The following FHL1 variants were observed in gnomAD, a reference collection of about 807,000 sequenced individuals.
The protein encoded by FHL1 is four and a half LIM domains protein 1.
A neutral mutation model predicts 20.3 loss-of-function variants in FHL1; 1 was observed. The observed-to-expected ratio is 0.05, with a 90% CI of 0.02 to 0.23. FHL1 has a LOEUF of 0.23. FHL1 is among the 10% of genes least tolerant of loss of function. The pLI is 1.00. For synonymous variants in FHL1, 82 were observed against 88.9 expected, an observed-to-expected ratio of 0.92 and a Z score of 0.44; for missense variants, 177 against 234.0, an observed-to-expected ratio of 0.76 and a Z score of 1.59.
At chrX:136,182,807 A>G (rs1014403371) in intron 2 of FHL1, 1 of 112,249 alleles carries the variant, frequency 8.9e-6, no homozygotes, top group African/African-American at 3.2e-5. Flanking sequence ...AATGTATAAG[A>G]ACAAAGAGGC....
intron 2 of FHL1, among the ~76,000 whole-genome samples, chrX:136,185,193 A>G (rs960032440): frequency 8.9e-6 from 1 of 112,649 alleles, no homozygotes; most frequent in South Asian, 3.6e-4. Context: ...TAAAATCAGT[A>G]TCCTGTTTCA....
chrX:136,173,307 T>A (rs977333591), intron 2 of FHL1, among the ~76,000 whole-genome samples: 1 of 112,758 alleles, frequency 8.9e-6, no homozygotes, highest in Non-Finnish European at 1.9e-5. Flanking sequence ...TTTTCATTAT[T>A]GATTTGGCAG....
At chrX:136,207,688 G>A in intron 3 of FHL1, 104 bp from the exon 4 acceptor site, 1 of 879,647 alleles carries the variant, frequency 1.1e-6, no homozygotes, top group Non-Finnish European at 1.7e-6. Context: ...GTAACTGCAG[G>A]GCCTGCATCC....
upstream of FHL1, chrX:136,146,886 C>T (rs1363663667): frequency 3.0e-6 from 1 of 329,560 alleles, no homozygotes; most frequent in Admixed American, 3.1e-5. Context: ...TAGCTCCCTC[C>T]GGCTTGCTAC....
chrX:136,157,484 A>T (rs1469437318), intron 1 of FHL1, among the ~76,000 whole-genome samples: 1 of 112,032 alleles, frequency 8.9e-6, no homozygotes, highest in South Asian at 3.7e-4. Flanking sequence ...TGATTTAGGT[A>T]CAAAAACCGG....
chrX:136,159,092 G>A (rs1212212287), intron 1 of FHL1, among the ~76,000 whole-genome samples: 2 of 100,440 alleles, frequency 2.0e-5, no homozygotes, highest in Non-Finnish European at 4.0e-5. Flanking sequence ...GAGGTATACA[G>A]AAACTCAGTA....
intron 1 of FHL1, chrX:136,148,304 T>G (rs1603237631): frequency 3.2e-5 from 1 of 31,336 alleles, no homozygotes; most frequent in African/African-American, 1.3e-4. Flanking sequence ...GGGATGCTTG[T>G]GGGGTGGTTG....
At chrX:136,172,742 A>T (rs981958459) in intron 2 of FHL1, among the ~76,000 whole-genome samples, 1 of 111,586 alleles carries the variant, frequency 9.0e-6, no homozygotes, top group Admixed American at 9.5e-5. Flanking sequence ...TTTATTTTTT[A>T]TTTTTTTTGA....
In FHL1 at chrX:136,173,759, C is replaced by T. The variant is rs144283879; in HGVS notation, c.-27+3779C>T. Reference sequence around the variant, plus strand: ...TGTCACCCAGGCTGGAGTGCAGTGGCGTGATCTCCGCTCATTATAAGCTCT... The same window carrying T: ...TGTCACCCAGGCTGGAGTGCAGTGGTGTGATCTCCGCTCATTATAAGCTCT... On this transcript the variant is annotated intron_variant, in intron 2 of 6. Coordinates refer to the FHL1 transcript ENST00000394153. 2.6e-3 allele frequency among the ~76,000 whole-genome samples: 273 copies of T among 103,811 alleles called. 2 individuals are homozygous for T. The highest frequency in any genetic ancestry group is 9.0e-3 in the African/African-American group (254 of 28,117). 90.1% of individuals were successfully genotyped at this position (103,811 alleles called of 115,157 possible).
intron 2 of FHL1, among the ~76,000 whole-genome samples, chrX:136,191,913 G>T (rs749327661): frequency 2.9e-4 from 33 of 111,901 alleles, no homozygotes; most frequent in Non-Finnish European, 5.8e-4. Context: ...CATAAAAGGT[G>T]GGCTTGGTGA....
Position 136,190,523 on chromosome X carries a change from G to A in FHL1, c.-26-15884G>A, listed in dbSNP as rs779376985. On this transcript the variant is annotated intron_variant, in intron 2 of 6. Transcript: ENST00000394153. ...CAGGCGGCCTCTCGAACCAGAGTAG[G>A]CTAAGAGACTCCAGCATTAACCATT... Among the ~76,000 whole-genome samples, 3 of 111,748 alleles carry A rather than the reference G, an allele frequency of 2.7e-5. No individual in the cohort carries two copies. The East Asian group carries it at 8.4e-4, about 31-fold the overall frequency.
At chrX:136,171,756 T>G in intron 2 of FHL1, among the ~76,000 whole-genome samples, 1 of 112,641 alleles carries the variant, frequency 8.9e-6, no homozygotes, top group Non-Finnish European at 1.9e-5. Context: ...CACACCCCAG[T>G]GACATCTTTA....
chrX:136,200,476 C>T (rs1243934039), intron 1 of FHL1, among the ~76,000 whole-genome samples: 3 of 111,775 alleles, frequency 2.7e-5, no homozygotes, highest in African/African-American at 6.5e-5. Flanking sequence ...TCAGTGTGGT[C>T]CTGAAATAGG....
chrX:136,191,234 G>A (rs1379055641), intron 2 of FHL1, among the ~76,000 whole-genome samples: 1 of 111,277 alleles, frequency 9.0e-6, no homozygotes, highest in Non-Finnish European at 1.9e-5. Flanking sequence ...GTGGGCCACC[G>A]CGCTCCTCTG....
intron 1 of FHL1, among the ~76,000 whole-genome samples, chrX:136,163,061 C>T (rs1422836119): frequency 1.8e-5 from 2 of 112,249 alleles, no homozygotes; most frequent in Admixed American, 1.9e-4. Flanking sequence ...GCCAAAGGCT[C>T]TGTTGAAGCT....
intron 2 of FHL1, among the ~76,000 whole-genome samples, chrX:136,186,865 AATATATATATATATATAGAT>A (rs1489340612): frequency 4.9e-4 from 5 of 10,155 alleles, no homozygotes; most frequent in African/African-American, 6.2e-4. Flanking sequence ...AAAAAAAAAA[AATATATATATATATATAGAT>A]AGATAGATAG....
chrX:136,208,352 G>A, intron 4 of FHL1, 103 bp from the exon 5 acceptor site: 1 of 856,921 alleles, frequency 1.2e-6, no homozygotes, highest in Non-Finnish European at 1.7e-6. Flanking sequence ...GAGATTAAAT[G>A]AGATATTGTA....
At chrX:136,199,392 G>T (rs1294384358) in intron 1 of FHL1, among the ~76,000 whole-genome samples, 2 of 111,320 alleles carry the variant, frequency 1.8e-5, no homozygotes, top group African/African-American at 6.6e-5. Context: ...GAATCATTCT[G>T]TACACGTTCT....
At chrX:136,181,039 G>T (rs755516709) in intron 2 of FHL1, among the ~76,000 whole-genome samples, 1 of 112,390 alleles carries the variant, frequency 8.9e-6, no homozygotes, top group African/African-American at 3.2e-5. Context: ...CACCGCGCCC[G>T]GCCCTGATTG....
Sources: gnomAD v4.1 joint callset for allele counts (sites outside exome capture counted in the v4.1 genomes callset) on GRCh38, gnomAD v4.1.1 for gene constraint, MANE v1.5 for transcripts, NCBI Gene and HGNC (gene_info 2026-07-23, HGNC 2026-07-21) for gene names.